Variants in PANK3 observed in about 807,000 individuals in gnomAD.
PANK3 encodes pantothenate kinase 3.
A neutral mutation model predicts 39.4 loss-of-function variants in PANK3; 20 were observed. That is an observed-to-expected ratio of 0.51 (90% CI 0.36 to 0.74). PANK3 has a LOEUF of 0.74. PANK3 is among the 30% of genes least tolerant of loss of function. PANK3 has a pLI of 0.00. For synonymous variants in PANK3, 140 were observed against 157.3 expected, an observed-to-expected ratio of 0.89 and a Z score of 0.82; for missense variants, 265 against 437.0, an observed-to-expected ratio of 0.61 and a Z score of 3.51.
chr5:168,566,543 G>A (rs1185760435), intron 2 of PANK3, among the ~76,000 whole-genome samples: 1 of 152,158 alleles, frequency 6.6e-6, no homozygotes, highest in Non-Finnish European at 1.5e-5. Flanking sequence ...CATCTTTAAT[G>A]GGTGTGACAT....
chr5:168,550,027 T>C lies in PANK3; in HGVS notation c.*7544A>G, dbSNP rs1298872250. ...GGGCCACTAAAAAATCCCAAATATATGTAACACAAACAGTCCGACTTAACA... is the reference window on the plus strand; with the variant it reads ...GGGCCACTAAAAAATCCCAAATATACGTAACACAAACAGTCCGACTTAACA... On this transcript the variant is annotated 3_prime_UTR_variant, in exon 7 of 7. Transcript: ENST00000239231. The C allele has an allele frequency of 7.9e-5, 12 of 152,212 alleles. No individual in the cohort carries two copies. Among genetic ancestry groups the C allele is most frequent in the Admixed American group, 7.2e-4 (11 of 15,272 alleles). 9.4% of individuals were successfully genotyped at this position (152,212 alleles called of 1,614,324 possible). A position where few individuals can be genotyped will look rare whatever the true frequency, so the allele number is the denominator to read the frequency against.
intron 3 of PANK3, 121 bp from the exon 4 acceptor site, chr5:168,564,186 T>C: frequency 1.2e-6 from 1 of 833,386 alleles, no homozygotes. Context: ...TGACTAATGC[T>C]GAGTGCTGAA....
Position 168,565,889 on chromosome 5 carries a change from T to A in PANK3, c.635+124A>T, listed in dbSNP as rs7720885. 2.0e-3 allele frequency: 463 copies of A among 228,564 alleles called. 10 individuals carry two copies. The highest frequency in any genetic ancestry group is 8.9e-3 in the African/African-American group (324 of 36,560). The allele number at this position is 228,564 out of a possible 1,614,324, so 14.2% of individuals were successfully genotyped here. On this transcript the variant is annotated intron_variant, in intron 3 of 6. Coordinates refer to ENST00000239231, the MANE Select transcript of PANK3 (RefSeq NM_024594.4). ...AAAAAATATATATATATATATATTT[T>A]TTTTTTTTGCTGTTGTGCAAATACA...
Position 168,553,274 on chromosome 5 carries a change from G to A in PANK3, c.*4297C>T, listed in dbSNP as rs1323334004. On this transcript the variant is annotated 3_prime_UTR_variant, in exon 7 of 7. Transcript: ENST00000239231. ...AGAGCACTAAAGGTACCCCAAAGGG[G>A]AGTAGGCGAGATCTCTCCAATGTAC... The A allele has an allele frequency of 7.6e-6, 4 of 528,800 alleles. No homozygotes were observed. The highest frequency in any genetic ancestry group is 2.9e-5 in the South Asian group (2 of 69,358). 32.8% of individuals were successfully genotyped at this position (528,800 alleles called of 1,614,324 possible).
At chr5:168,566,375 C>A (rs1215677901) in intron 2 of PANK3, 109 bp from the exon 3 acceptor site, 27 of 1,199,916 alleles carry the variant, frequency 2.3e-5, no homozygotes, top group Non-Finnish European at 3.1e-5. Context: ...ATGACCCCCA[C>A]ATTTTCATTT....
rs61730018 is a variant in PANK3 at position 168,566,062 on chromosome 5, T to C, written c.586A>G (p.Ile196Val). Reference protein sequence around the residue: ...LVVNIGSGVSILAVHSKDNYK... With the variant: ...LVVNIGSGVSVLAVHSKDNYK... ...TTGTCTTTGGAATGGACTGCTAAAA[T>C]ACTGACTCCTGAGCCAATGTTCACT... The change falls in exon 3 of 7, where the codon ATT (isoleucine) becomes GTT (valine). Residue 196 changes from isoleucine (I) to valine (V), a missense_variant. Physicochemically the swap from Ile to Val is conservative, Grantham distance 29 (BLOSUM62 3). Transcript: ENST00000239231. 4.5e-4 allele frequency: 728 copies of C among 1,613,834 alleles called. 5 individuals are homozygous for C. The African/African-American group carries it at 8.9e-3, about 20-fold the overall frequency.
chr5:168,569,912 C>T (rs965671916), intron 1 of PANK3, among the ~76,000 whole-genome samples: 4 of 152,066 alleles, frequency 2.6e-5, no homozygotes, highest in South Asian at 2.1e-4. Context: ...ATTAGCTGGG[C>T]GTGGCAGCAT....
chr5:168,576,032 T>C (rs760395636), intron 1 of PANK3, among the ~76,000 whole-genome samples: 3 of 152,204 alleles, frequency 2.0e-5, no homozygotes, highest in Non-Finnish European at 4.4e-5. Flanking sequence ...TGTTCTGAAA[T>C]AGACTTAAGA....
At position 168,557,619 on chromosome 5, in the gene PANK3, A is replaced by T. The variant is rs528819507; in HGVS notation, c.1065T>A (p.Gly355=). Reference sequence around the variant, plus strand: ...GAAGTGCACCAACTGCTCCAAAGTAACCCTGTGTAATTTAAAAATAACTGT... The same window carrying T: ...GAAGTGCACCAACTGCTCCAAAGTATCCCTGTGTAATTTAAAAATAACTGT... ...QLKALFLEHE[G]YFGAVGALLG... is the part of the protein sequence containing the mutation. Residue 355 remains glycine (G), a splice_region_variant and synonymous_variant, in exon 7 of 7, where the codon GGT becomes GGA. Transcript: ENST00000239231. The T allele has an allele frequency of 6.2e-7, 1 of 1,613,526 alleles. No homozygotes were observed. Among genetic ancestry groups the T allele is most frequent in the African/African-American group, 1.3e-5 (1 of 75,040 alleles).
chr5:168,565,003 G>A (rs1309804269), intron 3 of PANK3, among the ~76,000 whole-genome samples: 1 of 152,126 alleles, frequency 6.6e-6, no homozygotes, highest in South Asian at 2.1e-4. Flanking sequence ...TAAATTTCTA[G>A]CAAGTTCTAC....
At chr5:168,569,180 GTTTTTTTT>G (rs544747926) in intron 1 of PANK3, among the ~76,000 whole-genome samples, 182 bp from the exon 2 acceptor site, 1 of 115,940 alleles carries the variant, frequency 8.6e-6, no homozygotes, top group Non-Finnish European at 1.7e-5. Context: ...TCCCTTCAAA[GTTTTTTTT>G]TTTTTTTTTT....
Position 168,565,868 on chromosome 5 carries a change from A to AAAATAT in PANK3, c.635+144_635+145insATATTT. The AAAATAT allele has an allele frequency of 3.0e-3, 395 of 131,888 alleles. 5 individuals are homozygous for AAAATAT. Among genetic ancestry groups the AAAATAT allele is most frequent in the African/African-American group, 0.012 (326 of 28,116 alleles). The allele number at this position is 131,888 out of a possible 1,614,324, so 8.2% of individuals were successfully genotyped here. On this transcript the variant is annotated intron_variant, in intron 3 of 6. Transcript: ENST00000239231. ...CACCCTCTTTCACTTAAAAAAAAAA[A>AAAATAT]ATATATATATATATATATTTTTTTT...
rs1759273426 is a variant in PANK3 at position 168,551,697 on chromosome 5, A to T, written c.*5874T>A. On this transcript the variant is annotated 3_prime_UTR_variant, in exon 7 of 7. Coordinates refer to ENST00000239231, the MANE Select transcript of PANK3 (RefSeq NM_024594.4). ...AAACCTTTCCACTTTGTGCTGCATC[A>T]TTCTGCTTATAGAAACAGTCTTTAA... 1 of 152,180 alleles carries T rather than the reference A, an allele frequency of 6.6e-6. No individual in the cohort carries two copies. The highest frequency in any genetic ancestry group is 2.4e-5 in the African/African-American group (1 of 41,460). The allele number at this position is 152,180 out of a possible 1,614,324, so 9.4% of individuals were successfully genotyped here. A position where few individuals can be genotyped will look rare whatever the true frequency, so the allele number is the denominator to read the frequency against.
At chr5:168,561,315 A>G in intron 5 of PANK3, 78 bp downstream of exon 5, 6 of 1,318,826 alleles carry the variant, frequency 4.5e-6, no homozygotes, top group Non-Finnish European at 6.1e-6. Context: ...AGGGAAAGTG[A>G]AGAAGCCCTG....
chr5:168,563,132 G>C (rs1423986978), intron 4 of PANK3, among the ~76,000 whole-genome samples: 2 of 152,042 alleles, frequency 1.3e-5, no homozygotes, highest in African/African-American at 4.8e-5. Context: ...TAACATATCA[G>C]AAGAAAATAA....
intron 1 of PANK3, 32 bp from the exon 2 acceptor site, chr5:168,569,030 A>AATATATATATATATATATAT (rs766705356): frequency 8.3e-5 from 10 of 120,354 alleles, no homozygotes; most frequent in African/African-American, 2.4e-4. Flanking sequence ...AAAAAAAAAA[A>AATATATATATATATATATAT]ATATATATAT....
At chr5:168,558,110 T>TTCTGA (rs1301048666) in intron 6 of PANK3, among the ~76,000 whole-genome samples, 1 of 151,724 alleles carries the variant, frequency 6.6e-6, no homozygotes, top group Non-Finnish European at 1.5e-5. Context: ...GGGCACACCA[T>TTCTGA]TCTGATTTGT....
In PANK3 at chr5:168,565,885, A is replaced by ATT. The variant is rs57664567; in HGVS notation, c.635+126_635+127dup. ...AAAAAAAAAATATATATATATATAT[A>ATT]TTTTTTTTTTTTGCTGTTGTGCAAA... is the stretch of plus-strand genomic sequence containing the variant. On this transcript the variant is annotated intron_variant, in intron 3 of 6. Coordinates refer to ENST00000239231, the MANE Select transcript of PANK3 (RefSeq NM_024594.4). 996 of 194,690 alleles carry ATT rather than the reference A, an allele frequency of 5.1e-3. 20 individuals are homozygous for ATT. Among genetic ancestry groups the ATT allele is most frequent in the African/African-American group, 0.022 (824 of 37,652 alleles). The allele number at this position is 194,690 out of a possible 1,614,324, so 12.1% of individuals were successfully genotyped here. A position where few individuals can be genotyped will look rare whatever the true frequency, so the allele number is the denominator to read the frequency against.
At position 168,548,727 on chromosome 5, in the gene PANK3, A is replaced by T. The variant is rs1759230474; in HGVS notation, c.*8844T>A. 6.6e-6 allele frequency: 1 copy of T among 152,242 alleles called. No individual in the cohort carries two copies. Among genetic ancestry groups the T allele is most frequent in the South Asian group, 2.1e-4 (1 of 4,836 alleles). The allele number at this position is 152,242 out of a possible 1,614,324, so 9.4% of individuals were successfully genotyped here. A position where few individuals can be genotyped will look rare whatever the true frequency, so the allele number is the denominator to read the frequency against. ...ATGTTTACAGAATGCGCCATGGCAA[A>T]CATTTTTCAAATTTACATAAGATAC... On this transcript the variant is annotated 3_prime_UTR_variant, in exon 7 of 7. Coordinates refer to ENST00000239231, the MANE Select transcript of PANK3 (RefSeq NM_024594.4).
Sources: gnomAD v4.1 joint callset for allele counts (sites outside exome capture counted in the v4.1 genomes callset) on GRCh38, gnomAD v4.1.1 for gene constraint, MANE v1.5 for transcripts, NCBI Gene and HGNC (gene_info 2026-07-23, HGNC 2026-07-21) for gene names.